RPRD2: variants seen among roughly 807,000 people sequenced by gnomAD.
RPRD2 encodes the protein regulation of nuclear pre-mRNA domain-containing protein 2.
RPRD2 carries 12 observed loss-of-function variants against 104.4 expected under a neutral mutation model. The observed-to-expected ratio is 0.11, with a 90% CI of 0.07 to 0.19. The LOEUF is 0.19. RPRD2 is among the 10% of genes least tolerant of loss of function. RPRD2 has a pLI of 1.00. For missense variants in RPRD2, 1,543 were observed against 1,790.1 expected, an observed-to-expected ratio of 0.86 and a Z score of 2.49; for synonymous variants, 714 against 684.9, an observed-to-expected ratio of 1.04 and a Z score of -0.66.
intron 1 of RPRD2, among the ~76,000 whole-genome samples, chr1:150,413,216 T>C (rs1159802115): frequency 2.0e-5 from 3 of 152,078 alleles, no homozygotes; most frequent in South Asian, 4.1e-4. Flanking sequence ...GATTTATTAA[T>C]AGGTGTAGGG....
intron 1 of RPRD2, among the ~76,000 whole-genome samples, chr1:150,412,149 A>T (rs113015894): frequency 8.4e-6 from 1 of 118,730 alleles, no homozygotes; most frequent in African/African-American, 4.1e-5. Context: ...GCAGTAAACA[A>T]GAGAAATTCC....
chr1:150,444,998 G>A (rs1360293600), intron 6 of RPRD2, among the ~76,000 whole-genome samples: 3 of 152,034 alleles, frequency 2.0e-5, no homozygotes, highest in Non-Finnish European at 4.4e-5. Flanking sequence ...ACTAGCCTGG[G>A]CAACATAGTG....
In RPRD2 at chr1:150,468,022, C is replaced by A. The variant is rs587703842; in HGVS notation, c.1613-2539C>A. On this transcript the variant is annotated intron_variant, in intron 10 of 10. Transcript: ENST00000369068. The stretch of plus-strand genomic sequence containing the variant: ...AAAAAATACAAAAAAATTAGCTGGG[C>A]GTGGTGGCTCACAGCTGTAACCCCA... Among the ~76,000 whole-genome samples, 5 of 151,960 alleles carry A rather than the reference C, an allele frequency of 3.3e-5. No homozygotes were observed. In the South Asian group the frequency reaches 1.0e-3, roughly 32 times the overall value.
intron 1 of RPRD2, among the ~76,000 whole-genome samples, chr1:150,382,221 CCTTT>C (rs71650873): frequency 0.31 from 47,582 of 151,480 alleles, 8,439 homozygotes; most frequent in Non-Finnish European, 0.4. Context: ...TTTTTTGAGC[CCTTT>C]CTTATTAATA....
intron 1 of RPRD2, among the ~76,000 whole-genome samples, chr1:150,394,821 A>G (rs797036054): frequency 3.3e-5 from 5 of 152,044 alleles, no homozygotes; most frequent in African/African-American, 7.2e-5. Context: ...AGCTCAAGCA[A>G]TCTGTTTCCT....
intron 1 of RPRD2, among the ~76,000 whole-genome samples, chr1:150,386,520 G>T (rs1347703796): frequency 6.6e-6 from 1 of 152,116 alleles, no homozygotes; most frequent in Non-Finnish European, 1.5e-5. Flanking sequence ...TGAAATGGTG[G>T]GCACCTGCGG....
intron 2 of RPRD2, among the ~76,000 whole-genome samples, chr1:150,431,230 G>C (rs117195014): frequency 3.6e-4 from 55 of 152,200 alleles, no homozygotes; most frequent in East Asian, 3.1e-3. Flanking sequence ...GTGGAAAACA[G>C]TTTGGTGGTT....
chr1:150,417,788 AACCC>A, intron 2 of RPRD2, 63 bp downstream of exon 2: 2 of 1,355,998 alleles, frequency 1.5e-6, no homozygotes, highest in Non-Finnish European at 2.0e-6. Context: ...TTAGTTTCTT[AACCC>A]ATTAAGAACT....
rs587759048 is a variant in RPRD2 at position 150,386,278 on chromosome 1, T to C, written c.205+21359T>C. Among the ~76,000 whole-genome samples the C allele has an allele frequency of 5.9e-5, 9 of 152,198 alleles. No individual in the cohort carries two copies. In the East Asian group the frequency reaches 1.4e-3, roughly 23 times the overall value. ...CATGAGCCACCGCACCCGGCCTGTA[T>C]TTTGGTATTTGAAATAGCACAGTTG... On this transcript the variant is annotated intron_variant, in intron 1 of 10. Transcript: ENST00000369068.
At chr1:150,374,118 C>T (rs375298610) in intron 1 of RPRD2, among the ~76,000 whole-genome samples, 13 of 152,174 alleles carry the variant, frequency 8.5e-5, no homozygotes, top group African/African-American at 3.1e-4. Context: ...ACTTTCCGCC[C>T]TACCATCTAA....
Position 150,440,948 on chromosome 1 carries a change from G to A in RPRD2, c.361G>A (p.Glu121Lys). 1 of 1,574,012 alleles carries A rather than the reference G, an allele frequency of 6.4e-7. No individual in the cohort carries two copies. The highest frequency in any genetic ancestry group is 8.6e-7 in the Non-Finnish European group (1 of 1,156,242). Residue 121 changes from glutamate (E) to lysine (K), a missense_variant, in exon 3 of 11, where the codon GAA (glutamate) becomes AAA (lysine). By Grantham distance (56) the Glu-to-Lys change is moderately conservative. Around this residue, in one of 4 missense-constraint regions of RPRD2, gnomAD observed 572 missense variants for 787.3 expected, o/e 0.73. Transcript: ENST00000369068. ...VKDPSVSKSV[E>K]RIFKIWEDRN... is the part of the protein sequence containing the mutation. ...GGATCCATCTGTCTCTAAGTCTGTAGAACGAATCTTTAAAATCTGGGAAGA... is the reference window on the plus strand; with the variant it reads ...GGATCCATCTGTCTCTAAGTCTGTAAAACGAATCTTTAAAATCTGGGAAGA...
intron 2 of RPRD2, among the ~76,000 whole-genome samples, chr1:150,433,554 C>G (rs1665761901): frequency 6.9e-6 from 1 of 145,516 alleles, no homozygotes. Context: ...ATGCCATTCT[C>G]CTGCCTCAGC....
At chr1:150,426,171 C>T (rs1420651357) in intron 2 of RPRD2, among the ~76,000 whole-genome samples, 7 of 152,204 alleles carry the variant, frequency 4.6e-5, no homozygotes, top group African/African-American at 1.7e-4. Flanking sequence ...TCTTCCCATC[C>T]TTACCACCAG....
rs782268102 is a variant in RPRD2, at chr1:150,460,237, C to T, written c.1331C>T (p.Ala444Val). ...TCTCTTTCCCCTTCCCCAGCATTGGCTTTGCCAAACCTGGCTAATGTGGAT... is the reference window on the plus strand; with the variant it reads ...TCTCTTTCCCCTTCCCCAGCATTGGTTTTGCCAAACCTGGCTAATGTGGAT... ...NTSLSPSPAL[A>V]LPNLANVDLA... Residue 444 changes from alanine (A) to valine (V), a missense_variant, in exon 9 of 11, where the codon GCT becomes GTT. By Grantham distance (64) the Ala-to-Val change is moderately conservative (BLOSUM62 0). Transcript: ENST00000369068. The T allele has an allele frequency of 6.2e-7, 1 of 1,613,734 alleles. No individual in the cohort carries two copies. The highest frequency in any genetic ancestry group is 8.5e-7 in the Non-Finnish European group (1 of 1,179,794).
At chr1:150,441,203 A>C in intron 3 of RPRD2, 180 bp downstream of exon 3, 2 of 478,974 alleles carry the variant, frequency 4.2e-6, no homozygotes, top group East Asian at 3.5e-5. Context: ...TGTAAGTAGA[A>C]TTGGTTTTAG....
In RPRD2 at chr1:150,470,870, C is replaced by A; in HGVS notation, c.1922C>A (p.Ala641Asp). Residue 641 changes from alanine to aspartate, a missense_variant, in exon 11 of 11, where the codon GCC (alanine) becomes GAC (aspartate). This residue lies in a region of RPRD2 where 572 missense variants were observed against 787.3 expected (regional missense o/e 0.73). Transcript: ENST00000369068. ...GCTACCCACAATACTAGCCCTGCTG[C>A]CCCACCTACTGAAGTTACCATCTGC... ...FTATHNTSPA[A>D]PPTEVTICQS... 4 of 1,613,988 alleles carry A rather than the reference C, an allele frequency of 2.5e-6. No homozygotes were observed. Among genetic ancestry groups the A allele is most frequent in the Non-Finnish European group, 3.4e-6 (4 of 1,179,900 alleles).
chr1:150,452,302 A>G (rs950812095), intron 7 of RPRD2, among the ~76,000 whole-genome samples: 3 of 152,168 alleles, frequency 2.0e-5, no homozygotes, highest in African/African-American at 4.8e-5. Flanking sequence ...AATGGCAAGG[A>G]AGAATTCTGC....
intron 2 of RPRD2, among the ~76,000 whole-genome samples, chr1:150,437,986 A>T (rs1468257129): frequency 1.3e-5 from 2 of 151,162 alleles, no homozygotes; most frequent in East Asian, 3.9e-4. Context: ...TTAAAAAAAA[A>T]AAAAAAAAAA....
chr1:150,430,232 A>T (rs748330485), intron 2 of RPRD2, among the ~76,000 whole-genome samples: 30 of 152,236 alleles, frequency 2.0e-4, no homozygotes, highest in Non-Finnish European at 3.8e-4. Context: ...TTAGAGGAAG[A>T]TTAAATGGAA....
Sources: allele counts gnomAD v4.1 joint callset (sites outside exome capture counted in the v4.1 genomes callset), GRCh38; gene constraint gnomAD v4.1.1; regional missense constraint gnomAD v4.1.1; transcripts MANE v1.5; gene names NCBI Gene and HGNC (gene_info 2026-07-23, HGNC 2026-07-21).